ZNF652: variants seen among roughly 807,000 people sequenced by gnomAD.
ZNF652 encodes zinc finger protein 652.
ZNF652 carries 16 observed loss-of-function variants against 45.2 expected under a neutral mutation model. That is an observed-to-expected ratio of 0.35 (90% CI 0.24 to 0.54). ZNF652 has a LOEUF of 0.54. Among genes scored for constraint, ZNF652 ranks in the 20% least tolerant of loss-of-function variants. ZNF652 has a pLI of 0.91. For missense variants in ZNF652, 614 were observed against 765.6 expected (o/e 0.80, Z 2.34); for synonymous variants, 250 against 260.6 (o/e 0.96, Z 0.39).
chr17:49,313,672 C>T (rs944342146), intron 2 of ZNF652, among the ~76,000 whole-genome samples: 2 of 151,724 alleles, frequency 1.3e-5, no homozygotes, highest in South Asian at 4.2e-4. Context: ...TGTTTTTATG[C>T]CTTAGAAAAT....
chr17:49,360,291 G>C lies in ZNF652; in HGVS notation c.-259+1618C>G, dbSNP rs141666941. On this transcript the variant is annotated intron_variant, in intron 1 of 5. Transcript: ENST00000430262. ...TAACCAACTAAACAAAACACACAAC[G>C]CAAGTTCCTTTCACTTTTGCATAAC... Among the ~76,000 whole-genome samples, 171 of 152,040 alleles carry C rather than the reference G, an allele frequency of 1.1e-3. 1 individual carries two copies. The highest frequency in any genetic ancestry group is 3.7e-3 in the African/African-American group (155 of 41,476).
rs2069485587 is a variant in ZNF652 at position 49,296,985 on chromosome 17, T to A, written c.*1428A>T. ...CCTAAAGGTACTAGAGGTGCTGCTC[T>A]CTTTATCGCCTAAGAATGCTGGTAT... On this transcript the variant is annotated 3_prime_UTR_variant, in exon 6 of 6. Coordinates refer to ENST00000430262, the MANE Select transcript of ZNF652 (RefSeq NM_001145365.3). The A allele has an allele frequency of 6.6e-6, 1 of 152,214 alleles. No individual in the cohort carries two copies. Among genetic ancestry groups the A allele is most frequent in the Non-Finnish European group, 1.5e-5 (1 of 68,038 alleles). The allele number at this position is 152,214 out of a possible 1,614,324, so 9.4% of individuals were successfully genotyped here.
In ZNF652 at chr17:49,297,274, T is replaced by C. The variant is rs2069488732; in HGVS notation, c.*1139A>G. 6.6e-6 allele frequency: 1 copy of C among 152,600 alleles called. No homozygotes were observed. The highest frequency in any genetic ancestry group is 2.4e-5 in the African/African-American group (1 of 41,442). The allele number at this position is 152,600 out of a possible 1,614,324, so 9.5% of individuals were successfully genotyped here. A position where few individuals can be genotyped will look rare whatever the true frequency, so the allele number is the denominator to read the frequency against. ...AACCTCAAAATGAGCGATTTCAATT[T>C]GTCATCCCATAAAAGTTAAACATCA... On this transcript the variant is annotated 3_prime_UTR_variant, in exon 6 of 6. Coordinates refer to ENST00000430262, the MANE Select transcript of ZNF652 (RefSeq NM_001145365.3).
intron 1 of ZNF652, among the ~76,000 whole-genome samples, chr17:49,336,517 CA>C (rs1178533180): frequency 6.8e-6 from 1 of 147,198 alleles, no homozygotes; most frequent in African/African-American, 2.5e-5. Context: ...TTATTAGAGA[CA>C]GGGTTTCACC....
chr17:49,312,311 A>G (rs1056418976), intron 3 of ZNF652, among the ~76,000 whole-genome samples: 1 of 151,844 alleles, frequency 6.6e-6, no homozygotes, highest in Non-Finnish European at 1.5e-5. Flanking sequence ...GATTACAGGC[A>G]TGCGCCACCA....
At position 49,294,092 on chromosome 17, in the gene ZNF652, T is replaced by G. The variant is rs1483534362; in HGVS notation, c.*4321A>C. 2.0e-5 allele frequency among the ~76,000 whole-genome samples: 3 copies of G among 152,144 alleles called. No individual in the cohort carries two copies. The highest frequency in any genetic ancestry group is 4.4e-5 in the Non-Finnish European group (3 of 68,012). ...TATCTCTGCTTCATCTTCTCAAAAT[T>G]TAAAACTTCCAGTGAAATAATAATG... On this transcript the variant is annotated 3_prime_UTR_variant, in exon 6 of 6. Coordinates refer to ENST00000430262, the MANE Select transcript of ZNF652 (RefSeq NM_001145365.3).
Position 49,292,963 on chromosome 17 carries a change from G to A in ZNF652, c.*5450C>T, listed in dbSNP as rs1325951488. 6.6e-6 allele frequency among the ~76,000 whole-genome samples: 1 copy of A among 152,150 alleles called. No homozygotes were observed. Among genetic ancestry groups the A allele is most frequent in the African/African-American group, 2.4e-5 (1 of 41,434 alleles). ...TAGTCAGAGGTAGGATTTAGATCAG[G>A]AAAAGAATGTTCCAGGATGCTGGCA... On this transcript the variant is annotated 3_prime_UTR_variant, in exon 6 of 6. Transcript: ENST00000430262.
rs1232067659 is a variant in ZNF652 at position 49,317,197 on chromosome 17, T to C, written c.529A>G (p.Lys177Glu). The C allele has an allele frequency of 6.2e-7, 1 of 1,613,672 alleles. No homozygotes were observed. Among genetic ancestry groups the C allele is most frequent in the Admixed American group, 1.7e-5 (1 of 60,020 alleles). ...ACTTTCTCTACTATCTTCTCCTTTTTCTTCTGCTTTTCATTCTCTCCATAG... is the reference window on the plus strand; with the variant it reads ...ACTTTCTCTACTATCTTCTCCTTTTCCTTCTGCTTTTCATTCTCTCCATAG... The part of the protein sequence containing the change: ...NDYGENEKQK[K>E]KEKIVEKVSV... The change falls in exon 2 of 6, where the codon AAA becomes GAA. Residue 177 changes from lysine (K) to glutamate (E), a missense_variant. By Grantham distance (56) the Lys-to-Glu change is moderately conservative (BLOSUM62 1). Transcript: ENST00000430262.
chr17:49,313,441 G>C (rs1484970849), intron 2 of ZNF652, among the ~76,000 whole-genome samples: 1 of 152,130 alleles, frequency 6.6e-6, no homozygotes, highest in Admixed American at 6.6e-5. Flanking sequence ...ACAGGCATGA[G>C]TCACCAAGCC....
chr17:49,310,967 T>G (rs1262057072), intron 5 of ZNF652, among the ~76,000 whole-genome samples: 6 of 152,164 alleles, frequency 3.9e-5, no homozygotes. Flanking sequence ...GTGTCCTCCA[T>G]CCTTTTAAGG....
At chr17:49,337,986 TACA>T (rs1170830387) in intron 1 of ZNF652, among the ~76,000 whole-genome samples, 3 of 152,080 alleles carry the variant, frequency 2.0e-5, no homozygotes, top group East Asian at 1.9e-4. Context: ...GATTGCCAAA[TACA>T]ACAATTTTTT....
At chr17:49,307,199 C>T (rs972996123) in intron 5 of ZNF652, among the ~76,000 whole-genome samples, 5 of 151,802 alleles carry the variant, frequency 3.3e-5, no homozygotes, top group Admixed American at 1.3e-4. Flanking sequence ...GTTTGGGAGG[C>T]TGAGGCGGGT....
intron 1 of ZNF652, among the ~76,000 whole-genome samples, chr17:49,329,316 G>T (rs1419558520): frequency 6.6e-6 from 1 of 152,142 alleles, no homozygotes; most frequent in African/African-American, 2.4e-5. Context: ...ATGTAAAGTA[G>T]AAGTTATAGA....
Position 49,296,187 on chromosome 17 carries a change from C to A in ZNF652, c.*2226G>T, listed in dbSNP as rs1360038141. ...TTAACTTTCCTTATTGGCTTGGGTACCTGGGTGCTCAAAGAATGTGTACAA... is the reference window on the plus strand; with the variant it reads ...TTAACTTTCCTTATTGGCTTGGGTAACTGGGTGCTCAAAGAATGTGTACAA... On this transcript the variant is annotated 3_prime_UTR_variant, in exon 6 of 6. Transcript: ENST00000430262. 1.3e-5 allele frequency: 2 copies of A among 152,004 alleles called. No homozygotes were observed. Among genetic ancestry groups the A allele is most frequent in the Admixed American group, 6.7e-5 (1 of 14,970 alleles). 9.4% of individuals were successfully genotyped at this position (152,004 alleles called of 1,614,324 possible). A position where few individuals can be genotyped will look rare whatever the true frequency, so the allele number is the denominator to read the frequency against.
At chr17:49,302,450 G>A (rs1395498739) in intron 5 of ZNF652, among the ~76,000 whole-genome samples, 7 of 150,206 alleles carry the variant, frequency 4.7e-5, no homozygotes, top group Non-Finnish European at 7.4e-5. Context: ...CACCACACCC[G>A]GCTAATTTTT....
At chr17:49,333,546 A>G (rs1385339829) in intron 1 of ZNF652, among the ~76,000 whole-genome samples, 2 of 40,214 alleles carry the variant, frequency 5.0e-5, no homozygotes, top group Non-Finnish European at 1.1e-4. Context: ...TGTCTCTACT[A>G]AAAAAAAAAA....
At chr17:49,335,288 G>A (rs1449406078) in intron 1 of ZNF652, among the ~76,000 whole-genome samples, 1 of 152,120 alleles carries the variant, frequency 6.6e-6, no homozygotes, top group Non-Finnish European at 1.5e-5. Flanking sequence ...ACAGTGCTGA[G>A]AATCAACAGA....
At position 49,351,010 on chromosome 17, in the gene ZNF652, TATATACACACACACACAC is replaced by T. The variant is rs1468750726; in HGVS notation, c.-259+10881_-259+10898del. Among the ~76,000 whole-genome samples the T allele has an allele frequency of 3.3e-3, 64 of 19,660 alleles. 2 individuals carry two copies. Among genetic ancestry groups the T allele is most frequent in the Non-Finnish European group, 4.5e-3 (44 of 9,778 alleles). 12.9% of individuals were successfully genotyped at this position (19,660 alleles called of 152,430 possible). On this transcript the variant is annotated intron_variant, in intron 1 of 5. Coordinates refer to ENST00000430262, the MANE Select transcript of ZNF652 (RefSeq NM_001145365.3). ...ATATATATATATATATATATATATA[TATATACACACACACACAC>T]ACACACACACACACACACACACACA...
intron 1 of ZNF652, among the ~76,000 whole-genome samples, chr17:49,345,295 C>T (rs1031267505): frequency 3.3e-5 from 5 of 150,508 alleles, no homozygotes; most frequent in African/African-American, 9.8e-5. Context: ...CTCCTCCTCC[C>T]GGGTTCAAGC....
Sources: gnomAD v4.1 joint callset for allele counts (sites outside exome capture counted in the v4.1 genomes callset) on GRCh38, gnomAD v4.1.1 for gene constraint, MANE v1.5 for transcripts, NCBI Gene and HGNC (gene_info 2026-07-23, HGNC 2026-07-21) for gene names.